The following GASK1B variants were observed in gnomAD, a reference collection of about 807,000 sequenced individuals.
The protein encoded by GASK1B is Golgi-associated kinase 1B.
A neutral mutation model predicts 42.8 loss-of-function variants in GASK1B; 34 were observed. The ratio of observed to expected loss-of-function variants is 0.79; its 90% CI spans 0.60 to 1.06. The LOEUF is 1.06. Among genes scored for constraint, GASK1B ranks in the 50% least tolerant of loss-of-function variants. The pLI is 0.00. For synonymous variants in GASK1B, 262 were observed against 259.1 expected (o/e 1.01, Z -0.11); for missense variants, 686 against 661.0 (o/e 1.04, Z -0.42).
intron 4 of GASK1B, 38 bp downstream of exon 4, chr4:158,130,748 T>A (rs1474366481): frequency 7.5e-6 from 11 of 1,471,782 alleles, no homozygotes; most frequent in Non-Finnish European, 1.0e-5. Flanking sequence ...TTATCTAACA[T>A]AAATGTGATG....
At chr4:158,146,356 GGCTTATAATTT>G (rs1378046477) in intron 3 of GASK1B, among the ~76,000 whole-genome samples, 3 of 151,432 alleles carry the variant, frequency 2.0e-5, no homozygotes, top group Non-Finnish European at 4.4e-5. Flanking sequence ...ATTTGGGAGT[GGCTTATAATTT>G]AATAAATAAA....
At chr4:158,146,537 C>A (rs550690494) in intron 3 of GASK1B, among the ~76,000 whole-genome samples, 9 of 152,098 alleles carry the variant, frequency 5.9e-5, no homozygotes, top group Admixed American at 1.3e-4. Context: ...TTAATCATCT[C>A]AATAGCTCTC....
At chr4:158,162,222 G>C (rs1732046753) in intron 2 of GASK1B, among the ~76,000 whole-genome samples, 1 of 152,036 alleles carries the variant, frequency 6.6e-6, no homozygotes, top group South Asian at 2.1e-4. Flanking sequence ...CTCCCTCTCT[G>C]TGCCTACAGG....
intron 3 of GASK1B, among the ~76,000 whole-genome samples, chr4:158,137,466 CTTAT>C (rs1020576976): frequency 1.3e-5 from 2 of 152,128 alleles, no homozygotes; most frequent in African/African-American, 2.4e-5. Flanking sequence ...AACACATGGA[CTTAT>C]TTGTTTATCA....
At chr4:158,161,633 C>G (rs1018650216) in intron 2 of GASK1B, among the ~76,000 whole-genome samples, 1 of 152,188 alleles carries the variant, frequency 6.6e-6, no homozygotes, top group Admixed American at 6.5e-5. Context: ...ATGGAAACTC[C>G]AAGACTCTTC....
rs11100150 is a variant in GASK1B, at chr4:158,125,235, A to C, written c.*2172T>G. On this transcript the variant is annotated 3_prime_UTR_variant, in exon 5 of 5. Coordinates refer to ENST00000585682, the MANE Select transcript of GASK1B (RefSeq NM_001128424.2). ...TGACTAAAATAAACATGTTCCTGGG[A>C]CTTTCATTTAATAAGCATTTTGGAA... 135,604 of 152,122 alleles carry C rather than the reference A, an allele frequency of 0.89. 61,377 individuals carry two copies. Among genetic ancestry groups the C allele is most frequent in the East Asian group, 0.98 (5,042 of 5,168 alleles). The allele number at this position is 152,122 out of a possible 1,614,324, so 9.4% of individuals were successfully genotyped here.
At chr4:158,154,615 C>G (rs1731688445) in intron 3 of GASK1B, among the ~76,000 whole-genome samples, 2 of 152,114 alleles carry the variant, frequency 1.3e-5, no homozygotes, top group South Asian at 2.1e-4. Flanking sequence ...AGACCAAATG[C>G]CCATCAATCA....
intron 4 of GASK1B, among the ~76,000 whole-genome samples, chr4:158,128,452 A>T (rs757153319): frequency 6.6e-6 from 1 of 152,232 alleles, no homozygotes; most frequent in East Asian, 1.9e-4. Flanking sequence ...GATCAAAAAC[A>T]TAAGTAATAT....
intron 2 of GASK1B, among the ~76,000 whole-genome samples, chr4:158,165,469 A>G (rs974852730): frequency 2.6e-5 from 4 of 152,204 alleles, no homozygotes; most frequent in African/African-American, 9.6e-5. Context: ...GTGATTGTTT[A>G]TGGTAAACAA....
chr4:158,138,593 C>A (rs900818181), intron 3 of GASK1B, among the ~76,000 whole-genome samples: 1 of 151,972 alleles, frequency 6.6e-6, no homozygotes, highest in African/African-American at 2.4e-5. Context: ...TTTTGCTTAA[C>A]TTGATGTGTA....
Position 158,130,776 on chromosome 4 carries a change from T to A in GASK1B, c.1352+10A>T. 1.2e-6 allele frequency: 2 copies of A among 1,601,598 alleles called. No homozygotes were observed. The highest frequency in any genetic ancestry group is 1.7e-6 in the Non-Finnish European group (2 of 1,170,534). On this transcript the variant is annotated intron_variant, in intron 4 of 4. Coordinates refer to ENST00000585682, the MANE Select transcript of GASK1B (RefSeq NM_001128424.2). ...ATGTGATGTCCTGCAGATGTTACTATAAAACTTACTCTTTGATGCCTTCTA... is the reference window on the plus strand; with the variant it reads ...ATGTGATGTCCTGCAGATGTTACTAAAAAACTTACTCTTTGATGCCTTCTA...
At chr4:158,156,933 C>G (rs1049037329) in intron 2 of GASK1B, among the ~76,000 whole-genome samples, 5 of 152,068 alleles carry the variant, frequency 3.3e-5, no homozygotes, top group African/African-American at 1.2e-4. Context: ...CAATATATAA[C>G]TTTATGGCCT....
At chr4:158,166,139 G>T (rs1732222136) in intron 2 of GASK1B, among the ~76,000 whole-genome samples, 1 of 152,060 alleles carries the variant, frequency 6.6e-6, no homozygotes, top group Admixed American at 6.6e-5. Context: ...TTACTATCTT[G>T]CCCTTCCTCA....
intron 3 of GASK1B, 120 bp downstream of exon 3, chr4:158,155,491 A>G (rs1731721415): frequency 4.7e-6 from 4 of 858,672 alleles, no homozygotes. Context: ...TTTTGCACCA[A>G]GCTAATAGAA....
At chr4:158,145,791 A>G (rs1302682108) in intron 3 of GASK1B, among the ~76,000 whole-genome samples, 1 of 152,204 alleles carries the variant, frequency 6.6e-6, no homozygotes, top group African/African-American at 2.4e-5. Flanking sequence ...TGCAGCAGAT[A>G]AGAGCTCAGA....
In GASK1B at chr4:158,171,238, G is replaced by A. The variant is rs1273164502; in HGVS notation, c.138C>T (p.Ile46=). The change falls in exon 2 of 5, where the codon ATC becomes ATT. Residue 46 remains isoleucine, a synonymous_variant. Transcript: ENST00000585682. Reference sequence around the variant, plus strand: ...CCTGGCTCACCAGGAAGCCCAAGTAGATGGCACACGCAGTGCCCAGCAGAA... The same window carrying A: ...CCTGGCTCACCAGGAAGCCCAAGTAAATGGCACACGCAGTGCCCAGCAGAA... ...RNLLLGTACA[I]YLGFLVSQVG... 2 of 1,613,960 alleles carry A rather than the reference G, an allele frequency of 1.2e-6. No individual in the cohort carries two copies. Among genetic ancestry groups the A allele is most frequent in the African/African-American group, 2.7e-5 (2 of 74,952 alleles).
chr4:158,170,686 G>A lies in GASK1B; in HGVS notation c.690C>T (p.Ser230=), dbSNP rs144068880. The A allele has an allele frequency of 1.7e-5, 27 of 1,614,018 alleles. No homozygotes were observed. The African/African-American group carries it at 3.3e-4, about 20-fold the overall frequency. The part of the protein sequence containing the change: ...DIRRMRLLAD[S]AVAGLRPVSS... The stretch of plus-strand genomic sequence containing the variant: ...ACACAGGCCGGAGCCCTGCCACTGC[G>A]CTGTCCGCCAAGAGTCGCATTCTTC... The change falls in exon 2 of 5, where the codon AGC becomes AGT. Residue 230 remains serine (S), a synonymous_variant. Coordinates refer to ENST00000585682, the MANE Select transcript of GASK1B (RefSeq NM_001128424.2).
Position 158,170,506 on chromosome 4 carries a change from C to T in GASK1B, c.870G>A (p.Arg290=), listed in dbSNP as rs1405685320. ...CTTTCCTGCTCACAGACGGCAGGGTCCTGTTGAGCCCCAGGATCCTGTCTA... is the reference window on the plus strand; with the variant it reads ...CTTTCCTGCTCACAGACGGCAGGGTTCTGTTGAGCCCCAGGATCCTGTCTA... The part of the protein sequence containing the change: ...FHLDRILGLN[R]TLPSVSRKAE... The change falls in exon 2 of 5, where the codon AGG becomes AGA. Residue 290 remains arginine, a synonymous_variant. Transcript: ENST00000585682. 1.2e-6 allele frequency: 2 copies of T among 1,614,254 alleles called. No individual in the cohort carries two copies. Among genetic ancestry groups the T allele is most frequent in the South Asian group, 1.1e-5 (1 of 91,082 alleles).
chr4:158,157,320 G>T (rs993621069), intron 2 of GASK1B, among the ~76,000 whole-genome samples: 10 of 152,008 alleles, frequency 6.6e-5, no homozygotes, highest in African/African-American at 2.2e-4. Flanking sequence ...TTCATTTGTA[G>T]CACTCTCTCT....
Sources: gnomAD v4.1 joint callset for allele counts (sites outside exome capture counted in the v4.1 genomes callset) on GRCh38, gnomAD v4.1.1 for gene constraint, MANE v1.5 for transcripts, NCBI Gene and HGNC (gene_info 2026-07-23, HGNC 2026-07-21) for gene names.